Variants in NTN1 observed in about 807,000 individuals in gnomAD.
NTN1 encodes the protein netrin-1.
In NTN1, 11 loss-of-function variants were observed where a neutral mutation model predicts 54.2. The observed-to-expected ratio is 0.20, with a 90% CI of 0.13 to 0.34. The LOEUF (loss-of-function observed/expected upper bound fraction) is 0.34. NTN1 is among the 10% of genes least tolerant of loss of function. The pLI is 1.00. For synonymous variants in NTN1, 371 were observed against 382.0 expected (o/e 0.97, Z 0.33); for missense variants, 740 against 893.1 (o/e 0.83, Z 2.18).
Position 9,165,749 on chromosome 17 carries a change from T to A in NTN1, c.1207+2748T>A, listed in dbSNP as rs2092371446. Among the ~76,000 whole-genome samples the A allele has an allele frequency of 6.6e-6, 1 of 152,172 alleles. No homozygotes were observed. Among genetic ancestry groups the A allele is most frequent in the Admixed American group, 6.5e-5 (1 of 15,274 alleles). ...ACAGTGCTTCAAGGAACTTGTCACC[T>A]GATTGGTGACAGAAGACTACACTTA... On this transcript the variant is annotated intron_variant, in intron 3 of 6. Transcript: ENST00000173229. The surrounding 1 kb of genome is among the most constrained non-coding windows in gnomAD (Gnocchi z 4.5).
chr17:9,195,887 A>G (rs1250462548), intron 5 of NTN1, among the ~76,000 whole-genome samples: 1 of 152,200 alleles, frequency 6.6e-6, no homozygotes, highest in Admixed American at 6.5e-5. Flanking sequence ...TAAAGAAATA[A>G]TAACAACCAT....
intron 2 of NTN1, among the ~76,000 whole-genome samples, chr17:9,025,067 A>G (rs1186151731): frequency 1.3e-5 from 2 of 152,220 alleles, no homozygotes; most frequent in Non-Finnish European, 2.9e-5. Flanking sequence ...GTATGTGCAT[A>G]TGAAAGATAA....
At chr17:9,202,055 C>CAAAAAA (rs773720564) in intron 5 of NTN1, among the ~76,000 whole-genome samples, 1 of 48,316 alleles carries the variant, frequency 2.1e-5, no homozygotes, top group African/African-American at 9.5e-5. Context: ...CACACACACA[C>CAAAAAA]AAAAAAAAAA....
At chr17:9,081,569 G>T (rs138867293) in intron 2 of NTN1, among the ~76,000 whole-genome samples, 1 of 151,916 alleles carries the variant, frequency 6.6e-6, no homozygotes, top group East Asian at 1.9e-4. Context: ...TGCCCCACCC[G>T]TCCACACATC....
rs1334604416 is a variant in NTN1, at chr17:9,243,007, C to T, written c.*3039C>T. On this transcript the variant is annotated 3_prime_UTR_variant, in exon 7 of 7. Coordinates refer to ENST00000173229, the MANE Select transcript of NTN1 (RefSeq NM_004822.3). ...GGTGTTTGTTTGAAGAAAAACATACCAGATTAGTCTTTGTTTTTGAAACAG... is the reference window on the plus strand; with the variant it reads ...GGTGTTTGTTTGAAGAAAAACATACTAGATTAGTCTTTGTTTTTGAAACAG... 1 of 152,354 alleles carries T rather than the reference C, an allele frequency of 6.6e-6. No individual in the cohort carries two copies. The highest frequency in any genetic ancestry group is 1.9e-4 in the East Asian group (1 of 5,188). The allele number at this position is 152,354 out of a possible 1,614,324, so 9.4% of individuals were successfully genotyped here.
At chr17:9,044,893 C>T (rs1036121050) in intron 2 of NTN1, among the ~76,000 whole-genome samples, 2 of 151,956 alleles carry the variant, frequency 1.3e-5, no homozygotes, top group Admixed American at 6.6e-5. Context: ...AAACAGTATG[C>T]GAAAAGTAGA....
chr17:9,050,977 G>C (rs969018029), intron 2 of NTN1, among the ~76,000 whole-genome samples: 2 of 152,186 alleles, frequency 1.3e-5, no homozygotes, highest in Non-Finnish European at 2.9e-5. Context: ...CCACTAGGCT[G>C]TTTCAGCTTG....
chr17:9,222,565 G>A (rs1905395629), intron 6 of NTN1, among the ~76,000 whole-genome samples: 2 of 152,204 alleles, frequency 1.3e-5, no homozygotes, highest in Non-Finnish European at 2.9e-5. Flanking sequence ...TGACCTCTGC[G>A]TCCAAAGGAA....
At chr17:9,045,225 G>T (rs1472924840) in intron 2 of NTN1, among the ~76,000 whole-genome samples, 1 of 152,218 alleles carries the variant, frequency 6.6e-6, no homozygotes. Flanking sequence ...GCTCACTCCC[G>T]TCTGTACATG....
chr17:9,107,461 TAGAA>T (rs1472993950), intron 2 of NTN1, among the ~76,000 whole-genome samples: 1 of 152,174 alleles, frequency 6.6e-6, no homozygotes, highest in Non-Finnish European at 1.5e-5. Context: ...TATACATTGT[TAGAA>T]AGAAAAAAAG....
At chr17:9,179,773 C>T (rs781231429) in intron 3 of NTN1, 34 bp from the exon 4 acceptor site, 56 of 1,603,272 alleles carry the variant, frequency 3.5e-5, no homozygotes, top group Middle Eastern at 1.7e-4. Context: ...CCGCTTCCCC[C>T]TTGTCTGACC....
intron 2 of NTN1, among the ~76,000 whole-genome samples, chr17:9,062,521 C>T (rs769888948): frequency 1.3e-5 from 2 of 152,098 alleles, no homozygotes; most frequent in East Asian, 1.9e-4. Flanking sequence ...ACTTAACACT[C>T]GCTTCTTTGC....
intron 5 of NTN1, among the ~76,000 whole-genome samples, chr17:9,198,605 A>T (rs12948012): frequency 0.34 from 52,206 of 151,752 alleles, 10,718 homozygotes; most frequent in Non-Finnish European, 0.47. Flanking sequence ...CTGTAGAAAA[A>T]CCTGGTGGTT....
At chr17:9,039,683 C>T (rs1440597352) in intron 2 of NTN1, among the ~76,000 whole-genome samples, 2 of 152,164 alleles carry the variant, frequency 1.3e-5, no homozygotes, top group African/African-American at 2.4e-5. Context: ...CACCATGGTG[C>T]CTTCTGTCAT....
rs1367961220 is a variant in NTN1 at position 9,239,461 on chromosome 17, CTGT to C, written c.1487-174_1487-172del. ...GCGTGGGAGGCAAGGCTTCTTGGCC[CTGT>C]TGTTAGCAGGTGGGGGTCTACGATC... On this transcript the variant is annotated intron_variant, in intron 6 of 6. Coordinates refer to ENST00000173229, the MANE Select transcript of NTN1 (RefSeq NM_004822.3). The surrounding 1 kb of genome is among the most constrained non-coding windows in gnomAD (Gnocchi z 5.2). Among the ~76,000 whole-genome samples the C allele has an allele frequency of 6.6e-6, 1 of 152,170 alleles. No homozygotes were observed. Among genetic ancestry groups the C allele is most frequent in the African/African-American group, 2.4e-5 (1 of 41,436 alleles).
chr17:9,150,782 T>G (rs2092325153), intron 2 of NTN1, among the ~76,000 whole-genome samples: 2 of 151,478 alleles, frequency 1.3e-5, no homozygotes, highest in African/African-American at 4.9e-5. Context: ...CTAAGATGTT[T>G]ACAGAGAAAA....
intron 2 of NTN1, among the ~76,000 whole-genome samples, chr17:9,100,762 A>G (rs1230163511): frequency 6.6e-6 from 1 of 151,684 alleles, no homozygotes; most frequent in Non-Finnish European, 1.5e-5. Context: ...TTTTATTTCT[A>G]TTTATAGAGT....
At chr17:9,110,931 CTTTTTTTT>C (rs34319949) in intron 2 of NTN1, among the ~76,000 whole-genome samples, 2 of 104,362 alleles carry the variant, frequency 1.9e-5, no homozygotes, top group African/African-American at 8.1e-5. Context: ...AATTCAGGAT[CTTTTTTTT>C]TTTTTTTTTT....
At chr17:9,074,210 G>A (rs1213672604) in intron 2 of NTN1, among the ~76,000 whole-genome samples, 1 of 152,252 alleles carries the variant, frequency 6.6e-6, no homozygotes, top group South Asian at 2.1e-4. Context: ...GGGCGAGGTG[G>A]CTTCCTGCAA....
Sources: gnomAD v4.1 joint callset for allele counts (sites outside exome capture counted in the v4.1 genomes callset) on GRCh38, gnomAD v4.1.1 for gene constraint, Gnocchi (gnomAD v3.1) non-coding constraint, MANE v1.5 for transcripts, NCBI Gene and HGNC (gene_info 2026-07-23, HGNC 2026-07-21) for gene names.